USP10: variants seen among roughly 807,000 people sequenced by gnomAD.
The protein encoded by USP10 is ubiquitin carboxyl-terminal hydrolase 10.
A neutral mutation model predicts 84.5 loss-of-function variants in USP10; 22 were observed. The observed-to-expected ratio is 0.26, with a 90% confidence interval of 0.19 to 0.37. USP10 has a LOEUF of 0.37. Among genes scored for constraint, USP10 ranks in the 10% least tolerant of loss-of-function variants. USP10 has a pLI of 1.00. For missense variants in USP10, 1,019 were observed against 998.9 expected (o/e 1.02, Z -0.27); for synonymous variants, 454 against 387.6 (o/e 1.17, Z -2.01).
intron 1 of USP10, among the ~76,000 whole-genome samples, chr16:84,702,993 C>CAAAAAAAAAAAAAAA (rs1157728872): frequency 5.8e-5 from 3 of 52,168 alleles, no homozygotes; most frequent in African/African-American, 2.6e-4. Flanking sequence ...ACTCCCGTCT[C>CAAAAAAAAAAAAAAA]AAAAAAAAAA....
At chr16:84,761,158 C>G (rs1038320811) in intron 8 of USP10, among the ~76,000 whole-genome samples, 1 of 152,098 alleles carries the variant, frequency 6.6e-6, no homozygotes, top group Non-Finnish European at 1.5e-5. Flanking sequence ...GCCCTCTGCC[C>G]TCAGTGAGGG....
At chr16:84,716,515 A>G (rs369471456) in intron 1 of USP10, 2 of 152,236 alleles carry the variant, frequency 1.3e-5, no homozygotes, top group African/African-American at 2.4e-5. Flanking sequence ...TCACAGAGAC[A>G]TAGGTAAATG....
rs111697466 is a variant in USP10, at chr16:84,710,191, A to G, written c.21+10080A>G. Among the ~76,000 whole-genome samples the G allele has an allele frequency of 2.1e-3, 310 of 150,750 alleles. 3 individuals carry two copies. Among genetic ancestry groups the G allele is most frequent in the Admixed American group, 3.9e-3 (59 of 15,076 alleles). On this transcript the variant is annotated intron_variant, in intron 1 of 13. Transcript: ENST00000219473. ...AGGCTTAGGCAAGAGAATCGCTTGA[A>G]CCCGGGAGGCAGAGGTTGCAGTGAG...
In USP10 at chr16:84,745,691, C is replaced by G; in HGVS notation, c.1192+18C>G. 2 of 1,590,616 alleles carry G rather than the reference C, an allele frequency of 1.3e-6. No homozygotes were observed. The highest frequency in any genetic ancestry group is 1.7e-6 in the Non-Finnish European group (2 of 1,167,542). Reference sequence around the variant, plus strand: ...GATTGCAGGTATAGTTGAAAAGATACAAATCTAGAGTGAAGATGGGAGCAG... The same window carrying G: ...GATTGCAGGTATAGTTGAAAAGATAGAAATCTAGAGTGAAGATGGGAGCAG... On this transcript the variant is annotated intron_variant, in intron 4 of 13. Coordinates refer to ENST00000219473, the MANE Select transcript of USP10 (RefSeq NM_005153.3).
At chr16:84,712,726 A>T (rs1906478451) in intron 1 of USP10, among the ~76,000 whole-genome samples, 1 of 150,466 alleles carries the variant, frequency 6.6e-6, no homozygotes, top group African/African-American at 2.5e-5. Flanking sequence ...TGCATGAGTG[A>T]CCCCTAAGCT....
At chr16:84,770,070 C>T (rs987963616) in intron 11 of USP10, among the ~76,000 whole-genome samples, 3 of 152,112 alleles carry the variant, frequency 2.0e-5, no homozygotes, top group Non-Finnish European at 4.4e-5. Context: ...GATCACGCCA[C>T]TGCACTCCAG....
rs906135374 is a variant in USP10 at position 84,704,839 on chromosome 16, G to GC, written c.21+4731dup. The GC allele has an allele frequency of 2.5e-5, 38 of 1,535,720 alleles. No homozygotes were observed. The African/African-American group carries it at 5.1e-4, about 20-fold the overall frequency. On this transcript the variant is annotated intron_variant, in intron 1 of 13. Transcript: ENST00000219473. ...CGTCTTGAAACATCATGCCCTGGTT[G>GC]CCCTCTCCTGGAATAGGGCAGGTAA...
chr16:84,757,115 C>A (rs1422096958), intron 4 of USP10, among the ~76,000 whole-genome samples: 2 of 152,072 alleles, frequency 1.3e-5, no homozygotes, highest in African/African-American at 4.8e-5. Context: ...GCTTCTAGCA[C>A]AGTGTCCCTC....
At chr16:84,759,287 C>T in intron 5 of USP10, 76 bp from the exon 6 acceptor site, 6 of 1,358,892 alleles carry the variant, frequency 4.4e-6, no homozygotes, top group Non-Finnish European at 5.2e-6. Flanking sequence ...TATAAACATT[C>T]TTGTGCTTCA....
intron 11 of USP10, among the ~76,000 whole-genome samples, chr16:84,769,813 T>C (rs1393704970): frequency 6.6e-6 from 1 of 151,712 alleles, no homozygotes; most frequent in Non-Finnish European, 1.5e-5. Context: ...AATTACAGTT[T>C]GACTTTGCTG....
chr16:84,731,591 C>T (rs889689860), intron 1 of USP10, among the ~76,000 whole-genome samples: 1 of 152,018 alleles, frequency 6.6e-6, no homozygotes, highest in Non-Finnish European at 1.5e-5. Context: ...TTATAGAATT[C>T]TATGAAAAAA....
At chr16:84,755,196 C>G (rs1912389125) in intron 4 of USP10, among the ~76,000 whole-genome samples, 1 of 151,390 alleles carries the variant, frequency 6.6e-6, no homozygotes, top group Non-Finnish European at 1.5e-5. Flanking sequence ...CTTCCAGTAT[C>G]AGTGCTAAAC....
chr16:84,755,941 T>C (rs758825695), intron 4 of USP10, among the ~76,000 whole-genome samples: 36 of 152,242 alleles, frequency 2.4e-4, no homozygotes, highest in Non-Finnish European at 5.3e-4. Context: ...ATCTGTTGTA[T>C]TCCTCCTCTA....
chr16:84,768,527 G>A (rs955348859), intron 11 of USP10, among the ~76,000 whole-genome samples, 169 bp downstream of exon 11: 3 of 152,306 alleles, frequency 2.0e-5, no homozygotes, highest in Middle Eastern at 3.4e-3. Context: ...TGGTTGAAAC[G>A]TGATCCCAAG....
Position 84,745,742 on chromosome 16 carries a change from G to A in USP10, c.1192+69G>A, listed in dbSNP as rs1358090463. Reference sequence around the variant, plus strand: ...ACCTCATCAACTGGGCTTATAGACTGTGGTGTTACCCATAACAATGGCAGA... The same window carrying A: ...ACCTCATCAACTGGGCTTATAGACTATGGTGTTACCCATAACAATGGCAGA... On this transcript the variant is annotated intron_variant, in intron 4 of 13. Transcript: ENST00000219473. 6.1e-6 allele frequency: 9 copies of A among 1,478,216 alleles called. No individual in the cohort carries two copies. The East Asian group carries it at 1.7e-4, about 28-fold the overall frequency. The allele number at this position is 1,478,216 out of a possible 1,614,324, so 91.6% of individuals were successfully genotyped here.
chr16:84,720,820 G>C (rs1017091016), intron 1 of USP10, among the ~76,000 whole-genome samples: 3 of 150,922 alleles, frequency 2.0e-5, no homozygotes, highest in African/African-American at 7.3e-5. Context: ...CTGACCTCAT[G>C]ATCTGCCCAC....
At chr16:84,717,920 A>G (rs1907259881) in intron 1 of USP10, among the ~76,000 whole-genome samples, 1 of 152,152 alleles carries the variant, frequency 6.6e-6, no homozygotes, top group Admixed American at 6.5e-5. Flanking sequence ...TTTTGTTGAG[A>G]TGGTCCCAGA....
chr16:84,753,367 C>G (rs535924543), intron 4 of USP10, among the ~76,000 whole-genome samples: 2 of 152,182 alleles, frequency 1.3e-5, no homozygotes, highest in African/African-American at 4.8e-5. Flanking sequence ...TGTTGGTTTT[C>G]TCAGACTCTC....
Position 84,779,169 on chromosome 16 carries a change from T to C in USP10, c.*87T>C, listed in dbSNP as rs1915325873. Reference sequence around the variant, plus strand: ...TTCCCGCCTCTCTTTAGTGGCTCTTTAGAGAGAAACTCTTTCTCCCTTTGC... The same window carrying C: ...TTCCCGCCTCTCTTTAGTGGCTCTTCAGAGAGAAACTCTTTCTCCCTTTGC... On this transcript the variant is annotated 3_prime_UTR_variant, in exon 14 of 14. Transcript: ENST00000219473. 5 of 1,474,090 alleles carry C rather than the reference T, an allele frequency of 3.4e-6. No individual in the cohort carries two copies. Among genetic ancestry groups the C allele is most frequent in the South Asian group, 2.7e-5 (2 of 74,202 alleles). 91.3% of individuals were successfully genotyped at this position (1,474,090 alleles called of 1,614,324 possible).
Sources: gnomAD v4.1 joint callset for allele counts (sites outside exome capture counted in the v4.1 genomes callset) on GRCh38, gnomAD v4.1.1 for gene constraint, MANE v1.5 for transcripts, NCBI Gene and HGNC (gene_info 2026-07-23, HGNC 2026-07-21) for gene names.